The following MRTFB variants were observed in gnomAD, a reference collection of about 807,000 sequenced individuals.
The protein encoded by MRTFB is myocardin-related transcription factor B.
In MRTFB, 29 loss-of-function variants were observed where a neutral mutation model predicts 104.2. The observed-to-expected ratio is 0.28, with a 90% CI of 0.21 to 0.38. The LOEUF (loss-of-function observed/expected upper bound fraction) is 0.38. MRTFB is among the 10% of genes least tolerant of loss of function. MRTFB has a pLI of 1.00. For synonymous variants in MRTFB, 535 were observed against 519.5 expected (o/e 1.03, Z -0.41); for missense variants, 1,270 against 1,341.6 (o/e 0.95, Z 0.83).
chr16:14,049,802 G>T, the MRTFB span, among the ~76,000 whole-genome samples: 1 of 152,094 alleles, frequency 6.6e-6, no homozygotes, highest in Non-Finnish European at 1.5e-5. Flanking sequence ...GCACGATCTC[G>T]GCTCACTGCA....
At chr16:14,010,174 C>T in the MRTFB span, among the ~76,000 whole-genome samples, 1 of 152,114 alleles carries the variant, frequency 6.6e-6, no homozygotes, top group Non-Finnish European at 1.5e-5. Flanking sequence ...ATAGCTTGAG[C>T]AAAGACATCT....
At chr16:14,064,293 T>C in the MRTFB span, among the ~76,000 whole-genome samples, 1 of 152,212 alleles carries the variant, frequency 6.6e-6, no homozygotes, top group Non-Finnish European at 1.5e-5. Context: ...AAGTGTCTGT[T>C]CATGTCCATT....
At chr16:14,077,349 A>G (rs190010122) in intron 1 of MRTFB, among the ~76,000 whole-genome samples, 1 of 152,224 alleles carries the variant, frequency 6.6e-6, no homozygotes, top group African/African-American at 2.4e-5. Flanking sequence ...GATTTGTTTC[A>G]GTTTTCATCT....
intron 8 of MRTFB, among the ~76,000 whole-genome samples, chr16:14,231,017 G>A (rs2042235390): frequency 2.6e-5 from 4 of 151,462 alleles, no homozygotes; most frequent in Admixed American, 2.6e-4. Context: ...ATCATTCTCA[G>A]TAAACTATCA....
At chr16:14,186,592 C>T (rs950764662) in intron 3 of MRTFB, 8 of 620,268 alleles carry the variant, frequency 1.3e-5, no homozygotes, top group South Asian at 5.2e-5. Flanking sequence ...GTCCCCAGCG[C>T]GGGGGAAGCT....
chr16:14,245,745 T>G (rs2042984305), intron 11 of MRTFB, 85 bp downstream of exon 11: 2 of 1,389,222 alleles, frequency 1.4e-6, no homozygotes, highest in Non-Finnish European at 9.8e-7. Flanking sequence ...AGACATTAAG[T>G]AGTTTTCAGT....
rs1484716928 is a variant in MRTFB, at chr16:14,265,675, A to G, written c.*4231A>G. On this transcript the variant is annotated 3_prime_UTR_variant, in exon 17 of 17. Coordinates refer to ENST00000571589, the MANE Select transcript of MRTFB (RefSeq NM_001308142.2). Reference sequence around the variant, plus strand: ...TATCCAGGGAAACACATCATTACAAAGGGTTTCTACCTGAAATCTTTCATG... The same window carrying G: ...TATCCAGGGAAACACATCATTACAAGGGGTTTCTACCTGAAATCTTTCATG... 2.6e-5 allele frequency: 4 copies of G among 152,218 alleles called. No individual in the cohort carries two copies. The highest frequency in any genetic ancestry group is 9.7e-5 in the African/African-American group (4 of 41,444). 9.4% of individuals were successfully genotyped at this position (152,218 alleles called of 1,614,324 possible).
At chr16:14,228,623 C>T (rs1419634385) in intron 8 of MRTFB, among the ~76,000 whole-genome samples, 2 of 152,046 alleles carry the variant, frequency 1.3e-5, no homozygotes, top group Admixed American at 6.6e-5. Flanking sequence ...ATTTGTATAT[C>T]CCTGTTCATA....
chr16:14,147,097 A>T (rs1158547499), intron 3 of MRTFB, among the ~76,000 whole-genome samples: 3 of 152,192 alleles, frequency 2.0e-5, no homozygotes, highest in Admixed American at 1.3e-4. Flanking sequence ...GTTTCATGTA[A>T]TTCTCAAGGA....
intron 10 of MRTFB, among the ~76,000 whole-genome samples, chr16:14,241,699 G>C (rs892571436): frequency 1.3e-5 from 2 of 152,146 alleles, no homozygotes; most frequent in Non-Finnish European, 2.9e-5. Context: ...TCTTGAGGAA[G>C]ATTAAACCTA....
intron 1 of MRTFB, among the ~76,000 whole-genome samples, chr16:14,078,280 T>A (rs1777327652): frequency 6.6e-6 from 1 of 152,210 alleles, no homozygotes; most frequent in South Asian, 2.1e-4. Flanking sequence ...AACAAAATAC[T>A]GGCAAAGATT....
At chr16:14,193,286 C>T (rs1189081006) in intron 3 of MRTFB, among the ~76,000 whole-genome samples, 2 of 148,888 alleles carry the variant, frequency 1.3e-5, no homozygotes, top group East Asian at 2.0e-4. Context: ...GTCACTGGCT[C>T]ACACCTTGTA....
intron 5 of MRTFB, among the ~76,000 whole-genome samples, chr16:14,212,815 C>A (rs962497810): frequency 6.6e-6 from 1 of 152,290 alleles, no homozygotes; most frequent in East Asian, 1.9e-4. Flanking sequence ...GTTACCTGTA[C>A]ATTTGACCAA....
At chr16:13,995,128 G>A in the MRTFB span, among the ~76,000 whole-genome samples, 1 of 152,088 alleles carries the variant, frequency 6.6e-6, no homozygotes, top group African/African-American at 2.4e-5. Context: ...CCAGCCCTTC[G>A]TTGGTTGATC....
the MRTFB span, among the ~76,000 whole-genome samples, chr16:14,005,363 G>T: frequency 5.9e-5 from 9 of 152,132 alleles, no homozygotes; most frequent in Admixed American, 1.3e-4. Context: ...CCGTGCAAAG[G>T]AATGTAGGGT....
At chr16:14,055,473 A>G in the MRTFB span, among the ~76,000 whole-genome samples, 1 of 152,218 alleles carries the variant, frequency 6.6e-6, no homozygotes, top group East Asian at 1.9e-4. Flanking sequence ...AACCCACATT[A>G]CATTTAGCCA....
At chr16:14,200,532 G>A (rs2040647958) in intron 3 of MRTFB, 1 of 1,608,940 alleles carries the variant, frequency 6.2e-7, no homozygotes, top group Non-Finnish European at 8.5e-7. Flanking sequence ...TTGCTCAGCA[G>A]CAGCTTTATT....
rs774972398 is a variant in MRTFB, at chr16:14,260,935, C to G, written c.2791C>G (p.Pro931Ala). Reference protein sequence around the residue: ...GEISLPIKEEPSPISKMRPVT... With the variant: ...GEISLPIKEEASPISKMRPVT... ...GATCTCCCTCCCCATAAAAGAAGAA[C>G]CTTCTCCTATTTCCAAAATGAGACC... The change falls in exon 17 of 17, where the codon CCT becomes GCT. Residue 931 changes from proline to alanine, a missense_variant. Pro to Ala is a conservative substitution (Grantham distance 27). This residue lies in a region of MRTFB where 1,144 missense variants were observed against 1,131.5 expected (regional missense o/e 1.01). Coordinates refer to ENST00000571589, the MANE Select transcript of MRTFB (RefSeq NM_001308142.2). The G allele has an allele frequency of 3.1e-6, 5 of 1,610,802 alleles. No homozygotes were observed. In the African/African-American group the frequency reaches 6.7e-5, roughly 22 times the overall value.
At chr16:14,230,443 A>G (rs1793974428) in intron 8 of MRTFB, among the ~76,000 whole-genome samples, 1 of 152,094 alleles carries the variant, frequency 6.6e-6, no homozygotes, top group Non-Finnish European at 1.5e-5. Flanking sequence ...CAAGAAAAAA[A>G]CAAACAACCC....
Sources: gnomAD v4.1 joint callset for allele counts (sites outside exome capture counted in the v4.1 genomes callset) on GRCh38, gnomAD v4.1.1 for gene constraint, gnomAD v4.1.1 regional missense constraint, MANE v1.5 for transcripts, NCBI Gene and HGNC (gene_info 2026-07-23, HGNC 2026-07-21) for gene names.